MYO5B: variants seen among roughly 807,000 people sequenced by gnomAD.
The protein encoded by MYO5B is myosin VB.
MYO5B carries 143 observed loss-of-function variants against 229.3 expected under a neutral mutation model. That is an observed-to-expected ratio of 0.62 (90% CI 0.54 to 0.72). The LOEUF (loss-of-function observed/expected upper bound fraction) is 0.72. Ranked by LOEUF, MYO5B falls within the 30% of genes least tolerant of loss-of-function variation. The probability of loss-of-function intolerance (pLI) is 0.00; values close to 1 mark genes in which losing one functional copy is unlikely to be tolerated. For missense variants in MYO5B, 2,321 were observed against 2,331.0 expected, an observed-to-expected ratio of 1.00 and a Z score of 0.09; for synonymous variants, 918 against 885.2, an observed-to-expected ratio of 1.04 and a Z score of -0.66.
intron 16 of MYO5B, among the ~76,000 whole-genome samples, chr18:49,935,953 T>G (rs1317512810): frequency 6.6e-6 from 1 of 152,248 alleles, no homozygotes; most frequent in Non-Finnish European, 1.5e-5. Flanking sequence ...ATTTAACACT[T>G]GCTGTGAGAT....
intron 33 of MYO5B, 140 bp downstream of exon 33, chr18:49,847,006 G>A: frequency 1.9e-6 from 2 of 1,063,822 alleles, no homozygotes; most frequent in Admixed American, 1.9e-5. Context: ...ATGGGGGCAG[G>A]TGCAAGGGCA....
chr18:49,974,676 A>T, intron 9 of MYO5B, 61 bp from the exon 10 acceptor site: 1 of 1,571,078 alleles, frequency 6.4e-7, no homozygotes, highest in Non-Finnish European at 8.7e-7. Flanking sequence ...CCCCCCACCA[A>T]TGTCTTCCAC....
chr18:49,944,687 G>A (rs1046138930), intron 14 of MYO5B, among the ~76,000 whole-genome samples: 3 of 151,854 alleles, frequency 2.0e-5, no homozygotes, highest in South Asian at 2.1e-4. Context: ...CTGGATTCCT[G>A]CATTTTCTTA....
chr18:50,036,195 T>C (rs533393142), intron 4 of MYO5B, among the ~76,000 whole-genome samples: 10 of 152,292 alleles, frequency 6.6e-5, no homozygotes, highest in African/African-American at 1.9e-4. Context: ...CCCCAAAACA[T>C]TGATAAAGCT....
chr18:49,968,556 T>G (rs2025653383), intron 10 of MYO5B, among the ~76,000 whole-genome samples: 1 of 152,214 alleles, frequency 6.6e-6, no homozygotes, highest in Non-Finnish European at 1.5e-5. Flanking sequence ...TGTCTCCTGC[T>G]AAATCACGGA....
chr18:50,060,967 G>A (rs747873630), intron 1 of MYO5B, among the ~76,000 whole-genome samples: 9 of 152,114 alleles, frequency 5.9e-5, no homozygotes, highest in African/African-American at 2.2e-4. Flanking sequence ...GATTTGAAGG[G>A]TATCACAGAC....
chr18:50,193,395 CG>C (rs2144367550), intron 1 of MYO5B, among the ~76,000 whole-genome samples: 2 of 152,386 alleles, frequency 1.3e-5, no homozygotes, highest in African/African-American at 4.8e-5. Flanking sequence ...TGACAGCCTC[CG>C]CGGCCACCTT....
chr18:49,845,485 T>A (rs1360059034), intron 33 of MYO5B, among the ~76,000 whole-genome samples: 10 of 152,212 alleles, frequency 6.6e-5, no homozygotes, highest in Admixed American at 2.0e-4. Context: ...TGCCTCTTAT[T>A]TGAACTTCAA....
chr18:50,147,382 C>A (rs1332420018), intron 1 of MYO5B, among the ~76,000 whole-genome samples: 1 of 152,198 alleles, frequency 6.6e-6, no homozygotes, highest in Non-Finnish European at 1.5e-5. Flanking sequence ...CCACAGTCAC[C>A]TGAATTACTG....
Position 49,880,417 on chromosome 18 carries a change from T to C in MYO5B, c.3084A>G (p.Lys1028=), listed in dbSNP as rs527714550. 1.9e-6 allele frequency: 3 copies of C among 1,614,180 alleles called. No homozygotes were observed. The Admixed American group carries it at 5.0e-5, about 27-fold the overall frequency. Residue 1028 remains lysine (K), a synonymous_variant, in exon 23 of 40, where the codon AAA becomes AAG. Transcript: ENST00000285039. ...GGTTGTTGAGCTGTTCTTTCTCATC[T>C]TTCAAGAGAGCATTTTCTTGCTCCA... ...ADLEQENALL[K]DEKEQLNNQI... is the part of the protein sequence containing the mutation.
intron 1 of MYO5B, among the ~76,000 whole-genome samples, chr18:50,115,826 G>A (rs372516747): frequency 6.6e-6 from 1 of 151,558 alleles, no homozygotes; most frequent in African/African-American, 2.4e-5. Flanking sequence ...TGTGGGAGGG[G>A]GGAGGGTAGT....
chr18:50,008,730 C>T (rs2026129999), intron 4 of MYO5B, among the ~76,000 whole-genome samples: 1 of 152,172 alleles, frequency 6.6e-6, no homozygotes, highest in Non-Finnish European at 1.5e-5. Flanking sequence ...GACATCCCAT[C>T]TCCAAACCGG....
chr18:50,031,243 A>G (rs2026385290), intron 4 of MYO5B, among the ~76,000 whole-genome samples: 1 of 152,138 alleles, frequency 6.6e-6, no homozygotes, highest in Non-Finnish European at 1.5e-5. Context: ...GGGCAATCAG[A>G]TTGGGTCTGG....
intron 1 of MYO5B, among the ~76,000 whole-genome samples, chr18:50,135,039 A>G (rs2144277066): frequency 6.6e-6 from 1 of 152,318 alleles, no homozygotes; most frequent in East Asian, 1.9e-4. Context: ...CTCTAAGATA[A>G]TGCCCTCCAC....
At chr18:50,042,817 A>T (rs1415680590) in intron 2 of MYO5B, among the ~76,000 whole-genome samples, 1 of 152,168 alleles carries the variant, frequency 6.6e-6, no homozygotes, top group African/African-American at 2.4e-5. Context: ...AGGGACCGCC[A>T]GGTGCAGAGC....
intron 9 of MYO5B, among the ~76,000 whole-genome samples, 183 bp from the exon 10 acceptor site, chr18:49,974,798 G>GACAC (rs10680505): frequency 0.034 from 4,521 of 131,068 alleles, 295 homozygotes; most frequent in African/African-American, 0.087. Context: ...CACACACACA[G>GACAC]ACACACACAC....
chr18:49,853,340 A>G lies in MYO5B; in HGVS notation c.4221+109T>C, dbSNP rs535641484. ...CTTCTAGAATCTCTGTTCCTACTAT[A>G]GGGCCAAGGGTCATGAACCTTGTCA... On this transcript the variant is annotated intron_variant, in intron 31 of 39. Coordinates refer to ENST00000285039, the MANE Select transcript of MYO5B (RefSeq NM_001080467.3). 85 of 1,092,984 alleles carry G rather than the reference A, an allele frequency of 7.8e-5. No homozygotes were observed. The African/African-American group carries it at 1.1e-3, about 15-fold the overall frequency. The allele number at this position is 1,092,984 out of a possible 1,614,324, so 67.7% of individuals were successfully genotyped here.
chr18:50,062,651 A>G (rs2030717440), intron 1 of MYO5B, among the ~76,000 whole-genome samples: 1 of 152,176 alleles, frequency 6.6e-6, no homozygotes, highest in African/African-American at 2.4e-5. Flanking sequence ...AGAACTCACA[A>G]TCATTTCTAC....
At chr18:50,124,178 A>G (rs1272857392) in intron 1 of MYO5B, among the ~76,000 whole-genome samples, 31 of 152,238 alleles carry the variant, frequency 2.0e-4, no homozygotes, top group Non-Finnish European at 2.2e-4. Context: ...ACATCCTCCG[A>G]TAAGATGGCC....
Sources: gnomAD v4.1 joint callset for allele counts (sites outside exome capture counted in the v4.1 genomes callset) on GRCh38, gnomAD v4.1.1 for gene constraint, MANE v1.5 for transcripts, NCBI Gene and HGNC (gene_info 2026-07-23, HGNC 2026-07-21) for gene names.